RBM5: variants seen among roughly 807,000 people sequenced by gnomAD.
RBM5 encodes RNA-binding protein 5.
In RBM5, 15 loss-of-function variants were observed where a neutral mutation model predicts 124.6. That is an observed-to-expected ratio of 0.12 (90% CI 0.08 to 0.19). The LOEUF (loss-of-function observed/expected upper bound fraction) is 0.19, where lower values mean the gene tolerates loss of function less well. Ranked by LOEUF, RBM5 falls within the 10% of genes least tolerant of loss-of-function variation. The pLI is 1.00. For missense variants in RBM5, 580 were observed against 1,026.5 expected, an observed-to-expected ratio of 0.57 and a Z score of 5.94; for synonymous variants, 337 against 361.2, an observed-to-expected ratio of 0.93 and a Z score of 0.76.
At chr3:50,099,053 C>T (rs534391522) in intron 4 of RBM5, among the ~76,000 whole-genome samples, 3 of 152,120 alleles carry the variant, frequency 2.0e-5, no homozygotes, top group African/African-American at 7.2e-5. Flanking sequence ...CCAGGAGTTC[C>T]AGACCAGCCT....
At chr3:50,106,405 A>G (rs2091032459) in intron 10 of RBM5, among the ~76,000 whole-genome samples, 1 of 151,472 alleles carries the variant, frequency 6.6e-6, no homozygotes, top group African/African-American at 2.4e-5. Context: ...TACAGGCGTG[A>G]GCCACCGCGC....
intron 10 of RBM5, 113 bp from the exon 11 acceptor site, chr3:50,106,654 G>A (rs2091038910): frequency 2.8e-6 from 2 of 720,338 alleles, no homozygotes; most frequent in South Asian, 1.8e-5. Flanking sequence ...AACACAATAA[G>A]GAATTAATTG....
rs1279492171 is a variant in RBM5, at chr3:50,117,139, C to T, written c.2160C>T (p.Pro720=). Residue 720 remains proline (P), a synonymous_variant, in exon 23 of 25, where the codon CCC becomes CCT. Transcript: ENST00000347869. This position sits in a 1 kb window ranked among gnomAD's most constrained non-coding sequence, Gnocchi z 4.2. The part of the protein sequence containing the change: ...EKYGIPEPPE[P]KRKKQFDAGT... ...ACGGCATTCCAGAACCTCCAGAGCCCAAGCGCAAGAAGCAGTTTGATGCCG... is the reference window on the plus strand; with the variant it reads ...ACGGCATTCCAGAACCTCCAGAGCCTAAGCGCAAGAAGCAGTTTGATGCCG... 1 of 1,614,150 alleles carries T rather than the reference C, an allele frequency of 6.2e-7. No individual in the cohort carries two copies. Among genetic ancestry groups the T allele is most frequent in the Admixed American group, 1.7e-5 (1 of 60,024 alleles).
intron 2 of RBM5, 59 bp downstream of exon 2, chr3:50,090,510 GT>G: frequency 6.4e-7 from 1 of 1,572,186 alleles, no homozygotes; most frequent in East Asian, 2.2e-5. Context: ...TGAACTCCTT[GT>G]TTAAAATAGT....
At chr3:50,103,216 G>GT (rs746564847) in intron 7 of RBM5, 50 bp downstream of exon 7, 7 of 1,358,196 alleles carry the variant, frequency 5.2e-6, no homozygotes, top group South Asian at 3.6e-5. Context: ...GGATATTGCT[G>GT]TTTTTTTCTG....
intron 2 of RBM5, among the ~76,000 whole-genome samples, chr3:50,091,327 T>C (rs2090697350): frequency 6.6e-6 from 1 of 152,230 alleles, no homozygotes; most frequent in Admixed American, 6.5e-5. Context: ...CTTTGCCTTA[T>C]GATTGCACAG....
rs867420714 is a variant in RBM5, at chr3:50,109,926, G to A, written c.1278+238G>A. 1.4e-4 allele frequency: 54 copies of A among 385,322 alleles called. No homozygotes were observed. In the Middle Eastern group the frequency reaches 3.6e-3, roughly 26 times the overall value. The allele number at this position is 385,322 out of a possible 1,614,324, so 23.9% of individuals were successfully genotyped here. A position where few individuals can be genotyped will look rare whatever the true frequency, so the allele number is the denominator to read the frequency against. On this transcript the variant is annotated intron_variant, in intron 15 of 24. Transcript: ENST00000347869. ...CATGCTTGACCTTTAGAAAGTTGTC[G>A]CCGGGGCCGGGTGTGGTGGCTCGCG...
intron 17 of RBM5, 59 bp from the exon 18 acceptor site, chr3:50,113,324 G>A: frequency 4.6e-6 from 7 of 1,526,524 alleles, no homozygotes; most frequent in Non-Finnish European, 6.3e-6. Context: ...GACAAAATAT[G>A]TAATCGACTG....
At chr3:50,105,411 A>T in intron 9 of RBM5, 138 bp from the exon 10 acceptor site, 1 of 973,582 alleles carries the variant, frequency 1.0e-6, no homozygotes, top group Non-Finnish European at 1.5e-6. Flanking sequence ...GGATTTTTAG[A>T]ATCTTCTCCA....
chr3:50,107,690 T>G (rs1407807876), intron 12 of RBM5, 121 bp downstream of exon 12: 2 of 588,134 alleles, frequency 3.4e-6, no homozygotes, highest in Admixed American at 3.9e-5. Context: ...TTTTTTTTTT[T>G]TTTTTTTTTT....
chr3:50,106,056 G>A (rs1022555522), intron 10 of RBM5, among the ~76,000 whole-genome samples: 4 of 146,782 alleles, frequency 2.7e-5, no homozygotes, highest in East Asian at 2.0e-4. Flanking sequence ...GGGTTCAAGC[G>A]ATTCTCCTGC....
In RBM5 at chr3:50,106,118, A is replaced by ATTTTTTTTTT. The variant is rs61297967; in HGVS notation, c.855+434_855+443dup. 7.6e-4 allele frequency among the ~76,000 whole-genome samples: 25 copies of ATTTTTTTTTT among 32,748 alleles called. 5 individuals are homozygous for ATTTTTTTTTT. Among genetic ancestry groups the ATTTTTTTTTT allele is most frequent in the African/African-American group, 2.0e-3 (21 of 10,556 alleles). The allele number at this position is 32,748 out of a possible 152,430, so 21.5% of individuals were successfully genotyped here. A position where few individuals can be genotyped will look rare whatever the true frequency, so the allele number is the denominator to read the frequency against. On this transcript the variant is annotated intron_variant, in intron 10 of 24. Transcript: ENST00000347869. ...CAGGTGCCCGCCACCACGCCCAGCT[A>ATTTTTTTTTT]TTTTTTTTTTTTTTTTTTTTTTTTT...
intron 6 of RBM5, chr3:50,102,399 G>A (rs985027771): frequency 6.6e-6 from 1 of 152,118 alleles, no homozygotes; most frequent in Non-Finnish European, 1.5e-5. Context: ...TCACCTTGAA[G>A]AGAGTACCAT....
rs1260310495 is a variant in RBM5 at position 50,096,235 on chromosome 3, TC to T, written c.339+2363del. On this transcript the variant is annotated intron_variant, in intron 4 of 24. Transcript: ENST00000347869. ...CGAGTATGGTAACTCATGCCTGTAATCCCAGCACTTCGGGAGGCCAAGGTGA... is the reference window on the plus strand; with the variant it reads ...CGAGTATGGTAACTCATGCCTGTAATCCAGCACTTCGGGAGGCCAAGGTGA... 4.4e-4 allele frequency among the ~76,000 whole-genome samples: 67 copies of T among 150,954 alleles called. 1 individual carries two copies. The highest frequency in any genetic ancestry group is 4.4e-3 in the Admixed American group (67 of 15,132).
Position 50,100,129 on chromosome 3 carries a change from C to G in RBM5, c.409+78C>G. ...CAGTCCCTAAAGAACATCCTGATTC[C>G]CCCAGTCTTCAAGCACATGAATTCA... On this transcript the variant is annotated intron_variant, in intron 5 of 24. Coordinates refer to ENST00000347869, the MANE Select transcript of RBM5 (RefSeq NM_005778.4). The surrounding 1 kb of genome is among the most constrained non-coding windows in gnomAD (Gnocchi z 5.1). 1 of 1,271,512 alleles carries G rather than the reference C, an allele frequency of 7.9e-7. No individual in the cohort carries two copies. The highest frequency in any genetic ancestry group is 1.1e-6 in the Non-Finnish European group (1 of 894,640). The allele number at this position is 1,271,512 out of a possible 1,614,324, so 78.8% of individuals were successfully genotyped here. A position where few individuals can be genotyped will look rare whatever the true frequency, so the allele number is the denominator to read the frequency against.
intron 4 of RBM5, among the ~76,000 whole-genome samples, chr3:50,097,488 T>G (rs1442434669): frequency 2.6e-5 from 4 of 152,014 alleles, no homozygotes; most frequent in African/African-American, 9.7e-5. Flanking sequence ...CTGAGGATAA[T>G]GAGGATTGGC....
rs888256797 is a variant in RBM5, at chr3:50,115,921, T to C, written c.2035T>C (p.Tyr679His). ...SDLHKQNMDI[Y>H]RRSRLSEQEL... ...TTTTGTGTAGCAAAACATGGACATC[T>C]ATCGACGATCCAGGCTGAGCGAGCA... The change falls in exon 22 of 25, where the codon TAT becomes CAT. Residue 679 changes from tyrosine (Y) to histidine (H), a missense_variant. Coordinates refer to ENST00000347869, the MANE Select transcript of RBM5 (RefSeq NM_005778.4). 3 of 1,613,484 alleles carry C rather than the reference T, an allele frequency of 1.9e-6. No individual in the cohort carries two copies. The South Asian group carries it at 3.3e-5, about 18-fold the overall frequency.
intron 11 of RBM5, chr3:50,107,152 T>C: frequency 1.5e-6 from 1 of 659,216 alleles, no homozygotes; most frequent in Non-Finnish European, 2.8e-6. Context: ...TGCTAACCCA[T>C]CCAGAAATAA....
At chr3:50,090,934 T>TA (rs1282687833) in intron 2 of RBM5, among the ~76,000 whole-genome samples, 5 of 152,188 alleles carry the variant, frequency 3.3e-5, no homozygotes, top group Non-Finnish European at 5.9e-5. Flanking sequence ...GATCCAGACT[T>TA]AGAGAGCTGA....
Sources: gnomAD v4.1 joint callset for allele counts (sites outside exome capture counted in the v4.1 genomes callset) on GRCh38, gnomAD v4.1.1 for gene constraint, Gnocchi (gnomAD v3.1) non-coding constraint, MANE v1.5 for transcripts, NCBI Gene and HGNC (gene_info 2026-07-23, HGNC 2026-07-21) for gene names.